ZNF546: variants seen among roughly 807,000 people sequenced by gnomAD.
The protein encoded by ZNF546 is zinc finger protein 546, also known as CTC-471F3.6.
ZNF546 carries 60 observed loss-of-function variants against 76.2 expected under a neutral mutation model. That is an observed-to-expected ratio of 0.79 (90% CI 0.64 to 0.98). ZNF546 has a LOEUF of 0.98. Among genes scored for constraint, ZNF546 ranks in the 50% least tolerant of loss-of-function variants. The probability of loss-of-function intolerance (pLI) is 0.00; values close to 1 mark genes in which losing one functional copy is unlikely to be tolerated. For synonymous variants in ZNF546, 277 were observed against 328.1 expected (o/e 0.84, Z 1.68); for missense variants, 936 against 1,035.6 (o/e 0.90, Z 1.32).
At chr19:40,008,211 G>A (rs1971629464) in intron 5 of ZNF546, among the ~76,000 whole-genome samples, 1 of 151,804 alleles carries the variant, frequency 6.6e-6, no homozygotes, top group Non-Finnish European at 1.5e-5. Context: ...GTGCTCACTG[G>A]TCCCCTTTCT....
At position 40,020,622 on chromosome 19, in the gene ZNF546, TATCA is replaced by T. The variant is rs1329354442; in HGVS notation, c.*4847_*4850del. ...TTTAAAAAAGTGCTTATTATCAGGC[TATCA>T]ATCAAAAGATTTGAGTCTTTCAGTA... On this transcript the variant is annotated 3_prime_UTR_variant, in exon 7 of 7. Transcript: ENST00000347077. 6.6e-6 allele frequency: 1 copy of T among 152,180 alleles called. No homozygotes were observed. Among genetic ancestry groups the T allele is most frequent in the African/African-American group, 2.4e-5 (1 of 41,446 alleles). 9.4% of individuals were successfully genotyped at this position (152,180 alleles called of 1,614,324 possible).
At chr19:40,012,062 A>G (rs144262786) in intron 6 of ZNF546, among the ~76,000 whole-genome samples, 1 of 152,326 alleles carries the variant, frequency 6.6e-6, no homozygotes, top group African/African-American at 2.4e-5. Flanking sequence ...TTACTCTACT[A>G]GCCAGGACCT....
In ZNF546 at chr19:40,015,675, A is replaced by G; in HGVS notation, c.2405A>G (p.Glu802Gly). Reference sequence around the variant, plus strand: ...CGACATCACAGAATTCATACTGGTGAAAAACCCTATCAATGTAAAGAATGT... The same window carrying G: ...CGACATCACAGAATTCATACTGGTGGAAAACCCTATCAATGTAAAGAATGT... The part of the protein sequence containing the change: ...LTRHHRIHTG[E>G]KPYQCKECGK... Residue 802 changes from glutamate (E) to glycine (G), a missense_variant, in exon 7 of 7, where the codon GAA becomes GGA. Glu to Gly is a moderately conservative substitution (Grantham distance 98). Transcript: ENST00000347077. 2 of 1,614,206 alleles carry G rather than the reference A, an allele frequency of 1.2e-6. No individual in the cohort carries two copies. The highest frequency in any genetic ancestry group is 2.2e-5 in the East Asian group (1 of 44,876).
chr19:40,004,796 A>G (rs1011876396), intron 3 of ZNF546, among the ~76,000 whole-genome samples: 1 of 152,050 alleles, frequency 6.6e-6, no homozygotes, highest in East Asian at 1.9e-4. Context: ...AATTTAGAAC[A>G]TATCTTGGAT....
intron 3 of ZNF546, among the ~76,000 whole-genome samples, chr19:40,000,615 C>CAAAAAAA (rs550470156): frequency 1.6e-4 from 9 of 56,634 alleles, no homozygotes; most frequent in East Asian, 5.5e-4. Flanking sequence ...GACTCTGTCT[C>CAAAAAAA]AAAAAAAAAA....
chr19:40,015,304 T>C lies in ZNF546; in HGVS notation c.2034T>C (p.Tyr678=), dbSNP rs1340231015. 1.9e-6 allele frequency: 3 copies of C among 1,613,800 alleles called. No homozygotes were observed. In the Middle Eastern group the frequency reaches 4.9e-4, roughly 265 times the overall value. The change falls in exon 7 of 7, where the codon TAT becomes TAC. Residue 678 remains tyrosine (Y), a synonymous_variant. Coordinates refer to ENST00000347077, the MANE Select transcript of ZNF546 (RefSeq NM_178544.5). The part of the protein sequence containing the change: ...TECGKTFSRH[Y]HLTQHHRGHT... ...GTGGGAAGACGTTTAGTCGGCACTA[T>C]CATCTTACTCAACATCACAGAGGCC...
In ZNF546 at chr19:40,015,014, A is replaced by C; in HGVS notation, c.1744A>C (p.Ile582Leu). 1 of 1,614,028 alleles carries C rather than the reference A, an allele frequency of 6.2e-7. No individual in the cohort carries two copies. The highest frequency in any genetic ancestry group is 1.1e-5 in the South Asian group (1 of 91,074). The change falls in exon 7 of 7, where the codon ATA becomes CTA. Residue 582 changes from isoleucine to leucine, a missense_variant. By Grantham distance (5) the Ile-to-Leu change is conservative. Coordinates refer to ENST00000347077, the MANE Select transcript of ZNF546 (RefSeq NM_178544.5). ...QRIHTSESTYICKECGKIFSR... is the reference protein window; with the variant it reads ...QRIHTSESTYLCKECGKIFSR... The stretch of plus-strand genomic sequence containing the variant: ...AATTCACACCAGTGAGAGCACCTAC[A>C]TATGTAAAGAATGTGGGAAGATTTT...
Position 40,017,634 on chromosome 19 carries a change from T to A in ZNF546, c.*1853T>A, listed in dbSNP as rs1971790040. On this transcript the variant is annotated 3_prime_UTR_variant, in exon 7 of 7. Coordinates refer to ENST00000347077, the MANE Select transcript of ZNF546 (RefSeq NM_178544.5). ...GTAAGCTGTCTTAAAACATGAGATT[T>A]TTTTTGTGATTTTTTTTAAGCTCAT... The A allele has an allele frequency of 6.6e-6, 1 of 152,080 alleles. No individual in the cohort carries two copies. The highest frequency in any genetic ancestry group is 1.5e-5 in the Non-Finnish European group (1 of 68,028). The allele number at this position is 152,080 out of a possible 1,614,324, so 9.4% of individuals were successfully genotyped here.
At chr19:39,997,671 A>G (rs1397043890) in intron 1 of ZNF546, among the ~76,000 whole-genome samples, 190 bp from the exon 2 acceptor site, 1 of 152,040 alleles carries the variant, frequency 6.6e-6, no homozygotes, top group Admixed American at 6.6e-5. Context: ...GCATTCCCAT[A>G]CCTTTGATCT....
rs746106668 is a variant in ZNF546, at chr19:40,015,862, G to C, written c.*81G>C. The C allele has an allele frequency of 1.2e-5, 15 of 1,281,788 alleles. No homozygotes were observed. The East Asian group carries it at 3.3e-4, about 28-fold the overall frequency. 79.4% of individuals were successfully genotyped at this position (1,281,788 alleles called of 1,614,324 possible). ...AAATTTTCTGTTTGTTACGGAACAT[G>C]TGGGAATCCCTTTTACTTCATGCTC... On this transcript the variant is annotated 3_prime_UTR_variant, in exon 7 of 7. Transcript: ENST00000347077.
chr19:40,008,185 T>C (rs918552423), intron 5 of ZNF546, among the ~76,000 whole-genome samples: 2 of 152,242 alleles, frequency 1.3e-5, no homozygotes, highest in African/African-American at 4.8e-5. Context: ...ACCCAGGCCA[T>C]AGGGCTCCAG....
rs558209009 is a variant in ZNF546 at position 40,017,363 on chromosome 19, G to A, written c.*1582G>A. On this transcript the variant is annotated 3_prime_UTR_variant, in exon 7 of 7. Transcript: ENST00000347077. ...AATTAAAAACAGCCACTATCCATTT[G>A]GAAAACTTAAAAGAATAATGAACAG... 1.4e-5 allele frequency: 2 copies of A among 147,750 alleles called. No individual in the cohort carries two copies. The highest frequency in any genetic ancestry group is 5.3e-5 in the African/African-American group (2 of 37,416). 9.2% of individuals were successfully genotyped at this position (147,750 alleles called of 1,614,324 possible).
chr19:40,013,873 A>G lies in ZNF546; in HGVS notation c.603A>G (p.Gln201=). Residue 201 remains glutamine (Q), a synonymous_variant, in exon 7 of 7, where the codon CAA becomes CAG. Coordinates refer to ENST00000347077, the MANE Select transcript of ZNF546 (RefSeq NM_178544.5). ...TTAGTCAAATGCTAATCCAAAAACA[A>G]ATATCTCATCCTCTACATCCAAAAA... The part of the protein sequence containing the change: ...GCVSQMLIQK[Q]ISHPLHPKIH... 6.2e-7 allele frequency: 1 copy of G among 1,607,652 alleles called. No individual in the cohort carries two copies. Among genetic ancestry groups the G allele is most frequent in the Non-Finnish European group, 8.5e-7 (1 of 1,176,990 alleles).
chr19:40,010,799 T>C lies in ZNF546; in HGVS notation c.394+2234T>C, dbSNP rs776584575. Among the ~76,000 whole-genome samples, 85 of 151,580 alleles carry C rather than the reference T, an allele frequency of 5.6e-4. 1 individual carries two copies. The highest frequency in any genetic ancestry group is 1.1e-3 in the Non-Finnish European group (78 of 67,828). ...CTGGGTACAAGCAATTCTCCTGCCTTAGCCTCCTGAGTAGCTGGGACCACA... is the reference window on the plus strand; with the variant it reads ...CTGGGTACAAGCAATTCTCCTGCCTCAGCCTCCTGAGTAGCTGGGACCACA... On this transcript the variant is annotated intron_variant, in intron 6 of 6. Coordinates refer to ENST00000347077, the MANE Select transcript of ZNF546 (RefSeq NM_178544.5).
intron 5 of ZNF546, 40 bp downstream of exon 5, chr19:40,007,440 G>A (rs1246325374): frequency 4.6e-6 from 7 of 1,517,930 alleles, no homozygotes; most frequent in African/African-American, 1.4e-5. Flanking sequence ...CTGTTTTCTG[G>A]AGTATCAGCT....
intron 3 of ZNF546, among the ~76,000 whole-genome samples, chr19:40,002,054 G>A (rs1302672565): frequency 1.3e-5 from 2 of 152,180 alleles, no homozygotes; most frequent in Admixed American, 6.5e-5. Flanking sequence ...TCTGACAACA[G>A]AGTTTGTGTT....
intron 3 of ZNF546, 103 bp from the exon 4 acceptor site, chr19:40,005,993 G>T: frequency 1.0e-6 from 1 of 975,988 alleles, no homozygotes; most frequent in Non-Finnish European, 1.6e-6. Context: ...AGAATGGTGG[G>T]GTTGGAAGTA....
At chr19:40,011,811 C>T (rs982053753) in intron 6 of ZNF546, among the ~76,000 whole-genome samples, 6 of 152,232 alleles carry the variant, frequency 3.9e-5, no homozygotes, top group Admixed American at 6.5e-5. Context: ...GGCTTGCAGA[C>T]GCATCACTGC....
intron 3 of ZNF546, among the ~76,000 whole-genome samples, chr19:40,004,075 A>ATATT (rs1555723997): frequency 0.035 from 4,994 of 143,174 alleles, 185 homozygotes; most frequent in African/African-American, 0.085. Flanking sequence ...ATATATAAAT[A>ATATT]TATATATAAC....
Sources: gnomAD v4.1 joint callset for allele counts (sites outside exome capture counted in the v4.1 genomes callset) on GRCh38, gnomAD v4.1.1 for gene constraint, MANE v1.5 for transcripts, NCBI Gene and HGNC (gene_info 2026-07-23, HGNC 2026-07-21) for gene names.